ATM: variants seen among roughly 807,000 people sequenced by gnomAD.
ATM encodes serine-protein kinase ATM.
In ATM, 308 loss-of-function variants were observed where a neutral mutation model predicts 387.0. The ratio of observed to expected loss-of-function variants is 0.80; its 90% CI spans 0.73 to 0.87. The LOEUF (loss-of-function observed/expected upper bound fraction) is 0.87, where lower values mean the gene tolerates loss of function less well. Among genes scored for constraint, ATM ranks in the 40% least tolerant of loss-of-function variants. ATM has a pLI of 0.00. For missense variants in ATM, 3,312 were observed against 3,560.9 expected (o/e 0.93, Z 1.78); for synonymous variants, 1,156 against 1,187.3 (o/e 0.97, Z 0.54).
intron 16 of ATM, among the ~76,000 whole-genome samples, chr11:108,262,887 A>G (rs2080988521): frequency 6.7e-6 from 1 of 148,554 alleles, no homozygotes. Context: ...GAGACAAAGA[A>G]GGCCATTACA....
intron 22 of ATM, among the ~76,000 whole-genome samples, chr11:108,275,621 A>G (rs937149527): frequency 2.6e-5 from 4 of 152,122 alleles, no homozygotes; most frequent in African/African-American, 9.7e-5. Context: ...TTGGTTATGA[A>G]GCTTAGTTTG....
chr11:108,346,020 G>C, intron 58 of ATM, 112 bp downstream of exon 58: 1 of 1,257,114 alleles, frequency 8.0e-7, no homozygotes, highest in South Asian at 1.2e-5. Flanking sequence ...TGATAGTGAT[G>C]ATGTGGTTAG....
intron 11 of ATM, among the ~76,000 whole-genome samples, chr11:108,252,429 A>G (rs1270893379): frequency 6.6e-6 from 1 of 152,178 alleles, no homozygotes; most frequent in African/African-American, 2.4e-5. Flanking sequence ...AAGACAAAAC[A>G]GGATGTAAGC....
intron 37 of ATM, among the ~76,000 whole-genome samples, chr11:108,305,942 C>T (rs2083669062): frequency 6.6e-6 from 1 of 152,122 alleles, no homozygotes; most frequent in South Asian, 2.1e-4. Context: ...ACTTGTTGTA[C>T]TTAAAGACCA....
At chr11:108,230,832 G>A (rs1282958285) in intron 4 of ATM, 1 of 152,320 alleles carries the variant, frequency 6.6e-6, no homozygotes, top group East Asian at 1.9e-4. Context: ...CTCCCAAGTA[G>A]CTGGGACTAT....
rs762251357 is a variant in ATM at position 108,317,367 on chromosome 11, GT to G, written c.6199-3del. On this transcript the variant is annotated splice_region_variant and splice_polypyrimidine_tract_variant and intron_variant, in intron 42 of 62. Coordinates refer to ENST00000675843, the MANE Select transcript of ATM (RefSeq NM_000051.4). ...TTAACTTAAAAACAAAATAACTCCT[GT>G]TTAGGCCTTGCAGAATTTGGGACTC... is the stretch of plus-strand genomic sequence containing the variant. 2 of 1,609,696 alleles carry G rather than the reference GT, an allele frequency of 1.2e-6. No homozygotes were observed. Among genetic ancestry groups the G allele is most frequent in the Admixed American group, 3.3e-5 (2 of 59,866 alleles).
chr11:108,364,297 T>C (rs910343418), intron 61 of ATM, among the ~76,000 whole-genome samples: 1 of 152,230 alleles, frequency 6.6e-6, no homozygotes, highest in Non-Finnish European at 1.5e-5. Context: ...CTAAGATTTG[T>C]AAGCATTTGC....
At chr11:108,325,959 C>A in intron 46 of ATM, 99 bp from the exon 47 acceptor site, 1 of 1,427,352 alleles carries the variant, frequency 7.0e-7, no homozygotes, top group African/African-American at 1.4e-5. Flanking sequence ...GTAGTTAAGT[C>A]CTCAATGAAT....
At chr11:108,298,018 T>A (rs1301445765) in intron 33 of ATM, among the ~76,000 whole-genome samples, 2 of 152,242 alleles carry the variant, frequency 1.3e-5, no homozygotes, top group African/African-American at 4.8e-5. Context: ...TGTCTTTTGT[T>A]ATGTAGCAGA....
intron 57 of ATM, among the ~76,000 whole-genome samples, chr11:108,345,261 T>C (rs1287875812): frequency 1.3e-5 from 2 of 152,274 alleles, no homozygotes; most frequent in Admixed American, 6.5e-5. Context: ...AGCACATAGA[T>C]GGAAGGGAGT....
At chr11:108,350,807 A>T (rs1218591188) in intron 59 of ATM, among the ~76,000 whole-genome samples, 1 of 152,186 alleles carries the variant, frequency 6.6e-6, no homozygotes, top group Non-Finnish European at 1.5e-5. Context: ...ACCTGAGTCC[A>T]TTCAGGTCGT....
At chr11:108,224,033 A>T (rs1000258854) in intron 1 of ATM, 13 of 152,232 alleles carry the variant, frequency 8.5e-5, no homozygotes, top group Non-Finnish European at 5.9e-5. Flanking sequence ...ATATCAGGAG[A>T]CTTTCGAAAC....
At chr11:108,227,751 A>C in intron 2 of ATM, 25 bp from the exon 3 acceptor site, 6 of 1,612,166 alleles carry the variant, frequency 3.7e-6, no homozygotes, top group Non-Finnish European at 5.1e-6. Flanking sequence ...TTAGTAACCC[A>C]TTATTATTTC....
At chr11:108,263,822 A>G (rs914117500) in intron 16 of ATM, among the ~76,000 whole-genome samples, 1 of 151,332 alleles carries the variant, frequency 6.6e-6, no homozygotes, top group Admixed American at 6.6e-5. Flanking sequence ...CCACAGCAAT[A>G]CAAACTACCA....
chr11:108,251,960 G>T lies in ATM; in HGVS notation c.1731G>T (p.Met577Ile). ...GCTTTTCTTTAAAGGAATCAATAAT[G>T]AAATGGCTCTTATTCTATCAGTTAG... ...NRSFSLKESI[M>I]KWLLFYQLEG... Residue 577 changes from methionine to isoleucine, a missense_variant, in exon 11 of 63, where the codon ATG becomes ATT. Transcript: ENST00000675843. 6.2e-7 allele frequency: 1 copy of T among 1,613,788 alleles called. No individual in the cohort carries two copies. Among genetic ancestry groups the T allele is most frequent in the Non-Finnish European group, 8.5e-7 (1 of 1,179,754 alleles).
intron 29 of ATM, among the ~76,000 whole-genome samples, chr11:108,292,268 A>G (rs2082835779): frequency 6.6e-6 from 1 of 152,228 alleles, no homozygotes; most frequent in Admixed American, 6.5e-5. Context: ...GTGGGCAAGG[A>G]CAAGTAAAGT....
In ATM at chr11:108,282,721, A is replaced by G. The variant is rs376524625; in HGVS notation, c.3588A>G (p.Lys1196=). Residue 1196 remains lysine (K), a synonymous_variant, in exon 25 of 63, where the codon AAA becomes AAG. Transcript: ENST00000675843. ...EPHLVKKVLE[K]VSETFGYRRL... is the part of the protein sequence containing the mutation. ...TTTGGTTCGTGCAGGTTTTAGAGAA[A>G]GTTTCTGAAACTTTTGGATATAGAC... 137 of 1,613,030 alleles carry G rather than the reference A, an allele frequency of 8.5e-5. No homozygotes were observed. Among genetic ancestry groups the G allele is most frequent in the Non-Finnish European group, 1.1e-4 (131 of 1,179,690 alleles).
chr11:108,293,958 G>A (rs1013765481), intron 31 of ATM, among the ~76,000 whole-genome samples: 3 of 145,602 alleles, frequency 2.1e-5, no homozygotes, highest in East Asian at 2.0e-4. Flanking sequence ...TGTGTGTAAC[G>A]TGAGATCTAC....
chr11:108,316,373 G>T (rs1459558746), intron 42 of ATM, among the ~76,000 whole-genome samples: 4 of 149,258 alleles, frequency 2.7e-5, no homozygotes, highest in Non-Finnish European at 6.0e-5. Flanking sequence ...TGATCATAGT[G>T]TTGTTGGATA....
Sources: gnomAD v4.1 joint callset for allele counts (sites outside exome capture counted in the v4.1 genomes callset) on GRCh38, gnomAD v4.1.1 for gene constraint, MANE v1.5 for transcripts, NCBI Gene and HGNC (gene_info 2026-07-23, HGNC 2026-07-21) for gene names.